Variants in MEIS1 observed in about 807,000 individuals in gnomAD.
The protein encoded by MEIS1 is homeobox protein Meis1.
A neutral mutation model predicts 50.8 loss-of-function variants in MEIS1; 5 were observed. The observed-to-expected ratio is 0.10, with a 90% CI of 0.05 to 0.21. The LOEUF is 0.21. Ranked by LOEUF, MEIS1 falls within the 10% of genes least tolerant of loss-of-function variation. The pLI is 1.00. For missense variants in MEIS1, 318 were observed against 517.3 expected (o/e 0.61, Z 3.74); for synonymous variants, 176 against 179.3 (o/e 0.98, Z 0.15).
intron 7 of MEIS1, among the ~76,000 whole-genome samples, chr2:66,469,282 A>C (rs1672712579): frequency 6.6e-6 from 1 of 151,958 alleles, no homozygotes; most frequent in Admixed American, 6.6e-5. Context: ...ATGTATCAAT[A>C]GTTGCAGTGC....
chr2:66,436,814 A>G, intron 1 of MEIS1: 1 of 933,452 alleles, frequency 1.1e-6, no homozygotes, highest in Non-Finnish European at 1.3e-6. Flanking sequence ...AACCAATTAG[A>G]AAAACCTAAA....
chr2:66,435,866 A>C lies in MEIS1; in HGVS notation c.10A>C (p.Arg4=). 1.3e-6 allele frequency: 2 copies of C among 1,570,128 alleles called. No individual in the cohort carries two copies. Among genetic ancestry groups the C allele is most frequent in the Non-Finnish European group, 1.7e-6 (2 of 1,162,988 alleles). The part of the protein sequence containing the change: MAQ[R]YDDLPHYGGM... ...GGAGCCAGAGAGGCCGATGGCGCAA[A>C]GGGTACGTATTAAAAAACAATTGTG... is the stretch of plus-strand genomic sequence containing the variant. The change falls in exon 1 of 13, where the codon AGG becomes CGG. Residue 4 remains arginine (R), a splice_region_variant and synonymous_variant. Coordinates refer to ENST00000272369, the MANE Select transcript of MEIS1 (RefSeq NM_002398.3).
intron 7 of MEIS1, among the ~76,000 whole-genome samples, chr2:66,477,820 A>G (rs1257752179): frequency 6.6e-6 from 1 of 152,098 alleles, no homozygotes; most frequent in Non-Finnish European, 1.5e-5. Context: ...AGCCTTTCCC[A>G]CTTCTCAGCT....
At chr2:66,524,758 C>T (rs529136158) in intron 8 of MEIS1, among the ~76,000 whole-genome samples, 85 of 151,906 alleles carry the variant, frequency 5.6e-4, no homozygotes, top group Non-Finnish European at 1.1e-3. Context: ...AACATTTCTC[C>T]GAACTTGTCA....
At chr2:66,492,368 C>G (rs1344627589) in intron 7 of MEIS1, among the ~76,000 whole-genome samples, 1 of 152,070 alleles carries the variant, frequency 6.6e-6, no homozygotes, top group African/African-American at 2.4e-5. Flanking sequence ...ACCTCCTTAG[C>G]AGATTGCTAG....
chr2:66,555,732 CCTCT>C (rs1234192573), intron 9 of MEIS1, among the ~76,000 whole-genome samples: 1 of 151,928 alleles, frequency 6.6e-6, no homozygotes, highest in African/African-American at 2.4e-5. Context: ...CCAGAGAGAC[CCTCT>C]CTCTCCTCTC....
intron 2 of MEIS1, chr2:66,439,123 A>G (rs1400637214): frequency 5.7e-6 from 1 of 175,918 alleles, no homozygotes; most frequent in East Asian, 2.0e-4. Context: ...GACAAGCGAC[A>G]TCTAGGCCCC....
At chr2:66,487,553 T>C (rs545873638) in intron 7 of MEIS1, among the ~76,000 whole-genome samples, 9 of 152,356 alleles carry the variant, frequency 5.9e-5, no homozygotes, top group East Asian at 3.9e-4. Context: ...TACAGTTGTG[T>C]TTGACTCTAT....
chr2:66,557,768 G>T (rs1675102564), intron 9 of MEIS1, among the ~76,000 whole-genome samples: 1 of 152,184 alleles, frequency 6.6e-6, no homozygotes. Context: ...TTTTGGGAAT[G>T]ACAGTATAGC....
chr2:66,526,048 C>T (rs184393004), intron 8 of MEIS1, among the ~76,000 whole-genome samples: 4 of 152,340 alleles, frequency 2.6e-5, no homozygotes, highest in Admixed American at 6.5e-5. Flanking sequence ...TGTATTCCCA[C>T]TGCCTTGTGT....
intron 4 of MEIS1, 171 bp downstream of exon 4, chr2:66,440,783 G>A (rs1225260570): frequency 1.7e-6 from 1 of 580,938 alleles, no homozygotes; most frequent in Non-Finnish European, 3.1e-6. Flanking sequence ...CAAGATCCCG[G>A]GGAAATAAAT....
intron 6 of MEIS1, among the ~76,000 whole-genome samples, chr2:66,457,858 A>G (rs1672429858): frequency 6.6e-6 from 1 of 152,192 alleles, no homozygotes; most frequent in Admixed American, 6.5e-5. Flanking sequence ...CTCCATGCGG[A>G]CCTGGAGACT....
chr2:66,548,576 G>A (rs539492469), intron 9 of MEIS1, among the ~76,000 whole-genome samples: 1 of 152,148 alleles, frequency 6.6e-6, no homozygotes, highest in African/African-American at 2.4e-5. Flanking sequence ...TCTAAATAAA[G>A]TGTAAATTCC....
At chr2:66,489,117 C>T (rs1019528750) in intron 7 of MEIS1, among the ~76,000 whole-genome samples, 1 of 152,216 alleles carries the variant, frequency 6.6e-6, no homozygotes, top group Non-Finnish European at 1.5e-5. Flanking sequence ...CAGCCAGTAG[C>T]TGCTTTCCTG....
chr2:66,509,764 C>T (rs576704523), intron 7 of MEIS1, among the ~76,000 whole-genome samples: 1 of 152,322 alleles, frequency 6.6e-6, no homozygotes, highest in Non-Finnish European at 1.5e-5. Context: ...CCTCAAGGCA[C>T]GCTTTCAGGA....
At chr2:66,558,142 G>T (rs1056323412) in intron 9 of MEIS1, among the ~76,000 whole-genome samples, 14 of 151,868 alleles carry the variant, frequency 9.2e-5, no homozygotes, top group Non-Finnish European at 1.8e-4. Context: ...AGCTGGGAGT[G>T]GGGGTGCATG....
At position 66,435,323 on chromosome 2, in the gene MEIS1, G is replaced by C. The variant is rs1171812823; in HGVS notation, c.-534G>C. ...AGGGAGAGAAAGAAAGAGAGAGAGAGAAGAGAGAAACTGATTAGGAATTAG... is the reference window on the plus strand; with the variant it reads ...AGGGAGAGAAAGAAAGAGAGAGAGACAAGAGAGAAACTGATTAGGAATTAG... On this transcript the variant is annotated 5_prime_UTR_variant, in exon 1 of 13. Transcript: ENST00000272369. 6.2e-6 allele frequency: 1 copy of C among 161,004 alleles called. No homozygotes were observed. Among genetic ancestry groups the C allele is most frequent in the Non-Finnish European group, 1.3e-5 (1 of 74,132 alleles). The allele number at this position is 161,004 out of a possible 1,614,324, so 10.0% of individuals were successfully genotyped here. A position where few individuals can be genotyped will look rare whatever the true frequency, so the allele number is the denominator to read the frequency against.
intron 6 of MEIS1, among the ~76,000 whole-genome samples, chr2:66,457,722 G>A (rs1422792711): frequency 1.3e-5 from 2 of 152,204 alleles, no homozygotes; most frequent in East Asian, 1.9e-4. Context: ...GACATACAGC[G>A]ATCCCATTCA....
At chr2:66,461,454 C>T (rs985044012) in intron 6 of MEIS1, among the ~76,000 whole-genome samples, 2 of 152,152 alleles carry the variant, frequency 1.3e-5, no homozygotes, top group African/African-American at 4.8e-5. Context: ...TTCTAATGCT[C>T]AGTTTCATGT....
Sources: allele counts gnomAD v4.1 joint callset (sites outside exome capture counted in the v4.1 genomes callset), GRCh38; gene constraint gnomAD v4.1.1; transcripts MANE v1.5; gene names NCBI Gene and HGNC (gene_info 2026-07-23, HGNC 2026-07-21).